The following EVA1C variants were observed in gnomAD, a reference collection of about 807,000 sequenced individuals.
The protein encoded by EVA1C is protein eva-1 homolog C.
EVA1C carries 25 observed loss-of-function variants against 45.4 expected under a neutral mutation model. The observed-to-expected ratio is 0.55, with a 90% CI of 0.40 to 0.77. EVA1C has a LOEUF of 0.77. Ranked by LOEUF, EVA1C falls within the 30% of genes least tolerant of loss-of-function variation. The probability of loss-of-function intolerance (pLI) is 0.00; values close to 1 mark genes in which losing one functional copy is unlikely to be tolerated. For missense variants in EVA1C, 479 were observed against 554.8 expected, an observed-to-expected ratio of 0.86 and a Z score of 1.37; for synonymous variants, 190 against 221.2, an observed-to-expected ratio of 0.86 and a Z score of 1.25.
chr21:32,493,001 TACAA>T (rs1347110601), intron 4 of EVA1C, among the ~76,000 whole-genome samples: 5 of 152,150 alleles, frequency 3.3e-5, no homozygotes, highest in Admixed American at 6.5e-5. Flanking sequence ...GTGTGTGTAT[TACAA>T]ACAGCCTATC....
chr21:32,463,544 G>A (rs1302671475), intron 3 of EVA1C, among the ~76,000 whole-genome samples: 3 of 152,194 alleles, frequency 2.0e-5, no homozygotes, highest in South Asian at 2.1e-4. Context: ...AATGTGACAC[G>A]CACAGGCCCC....
chr21:32,507,796 GTA>G (rs566162799), intron 7 of EVA1C, among the ~76,000 whole-genome samples: 79 of 149,934 alleles, frequency 5.3e-4, no homozygotes, highest in Middle Eastern at 3.6e-3. Context: ...GTGCATATGT[GTA>G]TCTCTGTGTG....
chr21:32,457,338 G>A (rs2035821925), intron 2 of EVA1C, among the ~76,000 whole-genome samples: 1 of 152,224 alleles, frequency 6.6e-6, no homozygotes, highest in Non-Finnish European at 1.5e-5. Flanking sequence ...AGTAGCAGCC[G>A]CCGCACCAGT....
At chr21:32,493,283 G>A (rs573803372) in intron 4 of EVA1C, among the ~76,000 whole-genome samples, 1 of 152,088 alleles carries the variant, frequency 6.6e-6, no homozygotes, top group South Asian at 2.1e-4. Context: ...TTTGGTTCCC[G>A]TTTCTCTCCC....
intron 1 of EVA1C, among the ~76,000 whole-genome samples, chr21:32,414,166 A>G (rs2033943827): frequency 6.6e-6 from 1 of 152,224 alleles, no homozygotes; most frequent in African/African-American, 2.4e-5. Context: ...TCAAGGCAGT[A>G]TTCCTACCTA....
At chr21:32,499,819 A>G (rs2037470360) in intron 5 of EVA1C, among the ~76,000 whole-genome samples, 1 of 152,186 alleles carries the variant, frequency 6.6e-6, no homozygotes, top group African/African-American at 2.4e-5. Context: ...CTTGGCCTGC[A>G]GAATTCTTGC....
In EVA1C at chr21:32,412,982, CAA is replaced by C. The variant is rs776985836; in HGVS notation, c.131_132del (p.Lys44ArgfsTer25). 7 of 1,492,448 alleles carry C rather than the reference CAA, an allele frequency of 4.7e-6. No individual in the cohort carries two copies. The highest frequency in any genetic ancestry group is 6.3e-6 in the Non-Finnish European group (7 of 1,116,434). 92.5% of individuals were successfully genotyped at this position (1,492,448 alleles called of 1,614,324 possible). On this transcript the variant is annotated frameshift_variant, in exon 1 of 8. Coordinates refer to ENST00000300255, the MANE Select transcript of EVA1C (RefSeq NM_058187.5). LOFTEE classifies it high-confidence loss of function. ...TCTACTGCACTGTCCTGGTCTGCTCCAAAGAGATCTCAGCGCTCACCGACTTC... is the reference window on the plus strand; with the variant it reads ...TCTACTGCACTGTCCTGGTCTGCTCCAGAGATCTCAGCGCTCACCGACTTC... The part of the protein sequence containing the change: ...LFYCTVLVCS[K>X]EISALTDFSG...
intron 4 of EVA1C, among the ~76,000 whole-genome samples, chr21:32,484,955 T>TA (rs946759622): frequency 6.6e-6 from 1 of 152,154 alleles, no homozygotes; most frequent in African/African-American, 2.4e-5. Context: ...TTTTTTTTTT[T>TA]ACTGCACAAG....
intron 5 of EVA1C, 63 bp downstream of exon 5, chr21:32,495,233 C>A: frequency 6.4e-7 from 1 of 1,568,462 alleles, no homozygotes; most frequent in Non-Finnish European, 8.7e-7. Flanking sequence ...GGGTGGTGAC[C>A]ATGTGAACGG....
intron 1 of EVA1C, among the ~76,000 whole-genome samples, chr21:32,437,040 G>A (rs2034982108): frequency 6.6e-6 from 1 of 152,164 alleles, no homozygotes; most frequent in South Asian, 2.1e-4. Flanking sequence ...GGTGGCTGTA[G>A]TCCCAGCTAC....
intron 1 of EVA1C, among the ~76,000 whole-genome samples, chr21:32,430,692 G>T (rs1168937873): frequency 6.6e-6 from 1 of 152,064 alleles, no homozygotes; most frequent in Non-Finnish European, 1.5e-5. Flanking sequence ...ATTAGATCAG[G>T]CAGGGCACAG....
At chr21:32,490,794 C>G (rs1421144128) in intron 4 of EVA1C, among the ~76,000 whole-genome samples, 2 of 152,204 alleles carry the variant, frequency 1.3e-5, no homozygotes, top group African/African-American at 4.8e-5. Context: ...CTTCTCCTTT[C>G]CTCCTGGATA....
intron 4 of EVA1C, 87 bp downstream of exon 4, chr21:32,467,935 T>C (rs2036237481): frequency 1.1e-6 from 1 of 886,650 alleles, no homozygotes; most frequent in East Asian, 3.5e-5. Context: ...ATATATATCC[T>C]ATATGATTGT....
At chr21:32,476,364 G>A (rs370588172) in intron 4 of EVA1C, among the ~76,000 whole-genome samples, 4 of 152,074 alleles carry the variant, frequency 2.6e-5, no homozygotes, top group Admixed American at 6.6e-5. Flanking sequence ...AAGAGGGGCC[G>A]GGCGTGGTGG....
intron 4 of EVA1C, among the ~76,000 whole-genome samples, chr21:32,476,639 C>T (rs2036576471): frequency 6.6e-6 from 1 of 151,878 alleles, no homozygotes; most frequent in African/African-American, 2.4e-5. Context: ...GAAACTCCGT[C>T]TCAAAATAAT....
chr21:32,460,796 A>G (rs1219360798), intron 3 of EVA1C, among the ~76,000 whole-genome samples: 2 of 150,878 alleles, frequency 1.3e-5, no homozygotes, highest in Non-Finnish European at 2.9e-5. Context: ...CCCAGGCTGG[A>G]GTGTAGTGGC....
intron 4 of EVA1C, among the ~76,000 whole-genome samples, chr21:32,485,015 C>T (rs183086563): frequency 1.6e-4 from 24 of 152,212 alleles, no homozygotes; most frequent in Admixed American, 1.4e-3. Flanking sequence ...CCAACCCACA[C>T]TCTCCCTTGG....
intron 1 of EVA1C, among the ~76,000 whole-genome samples, chr21:32,437,677 C>T (rs978229170): frequency 6.6e-6 from 1 of 152,208 alleles, no homozygotes; most frequent in Admixed American, 6.5e-5. Flanking sequence ...CACCTGGTTA[C>T]CTGCTGGCAT....
In EVA1C at chr21:32,423,070, C is replaced by CAAAAAAAAAAAAA. The variant is rs3056306; in HGVS notation, c.160+10071_160+10083dup. Among the ~76,000 whole-genome samples the CAAAAAAAAAAAAA allele has an allele frequency of 1.8e-3, 153 of 85,572 alleles. 8 individuals carry two copies. Among genetic ancestry groups the CAAAAAAAAAAAAA allele is most frequent in the African/African-American group, 6.3e-3 (138 of 21,746 alleles). The allele number at this position is 85,572 out of a possible 152,430, so 56.1% of individuals were successfully genotyped here. On this transcript the variant is annotated intron_variant, in intron 1 of 7. Transcript: ENST00000300255. ...TGGGCAGCAGAGTGAGACTCTGTCTCAAAAAAAAAAAAAAAAAAAAAAAAA... is the reference window on the plus strand; with the variant it reads ...TGGGCAGCAGAGTGAGACTCTGTCTCAAAAAAAAAAAAAAAAAAAAAAAAAAAAAAAAAAAAAA...
Sources: gnomAD v4.1 joint callset for allele counts (sites outside exome capture counted in the v4.1 genomes callset) on GRCh38, gnomAD v4.1.1 for gene constraint, MANE v1.5 for transcripts, NCBI Gene and HGNC (gene_info 2026-07-23, HGNC 2026-07-21) for gene names.